The following RYR3 variants were observed in gnomAD, a reference collection of about 807,000 sequenced individuals.
RYR3 encodes the protein brain ryanodine receptor-calcium release channel.
Under a neutral mutation model 584.3 loss-of-function variants are expected in RYR3, and 207 were observed. The ratio of observed to expected loss-of-function variants is 0.35; its 90% CI spans 0.32 to 0.40. The LOEUF is 0.40. Among genes scored for constraint, RYR3 ranks in the 10% least tolerant of loss-of-function variants. The probability of loss-of-function intolerance (pLI) is 1.00; values close to 1 mark genes in which losing one functional copy is unlikely to be tolerated. For missense variants in RYR3, 5,616 were observed against 6,089.2 expected (o/e 0.92, Z 2.59); for synonymous variants, 2,416 against 2,248.5 (o/e 1.07, Z -2.11).
At chr15:33,512,738 C>T (rs1009958845) in intron 3 of RYR3, among the ~76,000 whole-genome samples, 3 of 152,178 alleles carry the variant, frequency 2.0e-5, no homozygotes, top group Non-Finnish European at 4.4e-5. Context: ...GCCTGAGCTG[C>T]TTCTCCATGG....
intron 1 of RYR3, among the ~76,000 whole-genome samples, chr15:33,369,295 T>C (rs906391803): frequency 2.0e-5 from 3 of 152,142 alleles, no homozygotes; most frequent in Non-Finnish European, 4.4e-5. Flanking sequence ...CCTCTCCCTA[T>C]AGCCTACCCA....
At chr15:33,804,909 A>C (rs554817933) in intron 69 of RYR3, among the ~76,000 whole-genome samples, 2 of 152,220 alleles carry the variant, frequency 1.3e-5, no homozygotes, top group African/African-American at 4.8e-5. Context: ...CCTATGCCAC[A>C]CACACCACAT....
intron 43 of RYR3, among the ~76,000 whole-genome samples, chr15:33,712,295 G>A (rs2067179985): frequency 1.3e-5 from 2 of 152,192 alleles, no homozygotes; most frequent in Admixed American, 6.5e-5. Flanking sequence ...TTCAACATGA[G>A]ATTTGGGCAG....
At chr15:33,563,145 G>A in intron 11 of RYR3, 135 bp downstream of exon 11, 1 of 710,360 alleles carries the variant, frequency 1.4e-6, no homozygotes, top group East Asian at 2.7e-5. Flanking sequence ...TTTTGTGATG[G>A]ATTGTACACA....
intron 43 of RYR3, among the ~76,000 whole-genome samples, chr15:33,718,121 G>A (rs1214401310): frequency 2.0e-5 from 3 of 152,200 alleles, no homozygotes; most frequent in Non-Finnish European, 4.4e-5. Flanking sequence ...ATGAGTGTCA[G>A]TACATTCATT....
chr15:33,424,209 C>T (rs2044439356), intron 1 of RYR3, among the ~76,000 whole-genome samples: 1 of 152,204 alleles, frequency 6.6e-6, no homozygotes, highest in African/African-American at 2.4e-5. Context: ...CATGACACTT[C>T]AGACAAGTCA....
chr15:33,613,456 C>T (rs761625346), intron 19 of RYR3, 81 bp downstream of exon 19: 3 of 1,380,404 alleles, frequency 2.2e-6, no homozygotes, highest in Non-Finnish European at 3.0e-6. Flanking sequence ...AGCCAGCAGT[C>T]TCCTTCAGGG....
chr15:33,629,374 G>A (rs191801416), intron 21 of RYR3, among the ~76,000 whole-genome samples: 2 of 152,218 alleles, frequency 1.3e-5, no homozygotes, highest in African/African-American at 2.4e-5. Flanking sequence ...GAAGATTAGT[G>A]TGGGGGAAAA....
Position 33,805,845 on chromosome 15 carries a change from C to G in RYR3, c.10012-1710C>G, listed in dbSNP as rs1004150584. Among the ~76,000 whole-genome samples the G allele has an allele frequency of 3.3e-5, 5 of 151,834 alleles. No homozygotes were observed. In the South Asian group the frequency reaches 8.3e-4, roughly 25 times the overall value. On this transcript the variant is annotated intron_variant, in intron 69 of 103. Transcript: ENST00000634891. The stretch of plus-strand genomic sequence containing the variant: ...TTACTCACAGGCATGTGTGCATACT[C>G]TGTCTCTCTCTCTCATAAATGTGCA...
chr15:33,773,708 A>G, intron 64 of RYR3, 93 bp downstream of exon 64: 2 of 850,950 alleles, frequency 2.4e-6, no homozygotes, highest in Non-Finnish European at 3.9e-6. Flanking sequence ...TCAATCCAGC[A>G]AGACCAAAAT....
chr15:33,359,913 G>A (rs949085005), intron 1 of RYR3, among the ~76,000 whole-genome samples: 2 of 151,984 alleles, frequency 1.3e-5, no homozygotes, highest in African/African-American at 4.8e-5. Context: ...GAGCCACCGG[G>A]CCCGGCCTCC....
chr15:33,634,611 G>T lies in RYR3; in HGVS notation c.3053G>T (p.Arg1018Leu). 6.2e-7 allele frequency: 1 copy of T among 1,613,892 alleles called. No individual in the cohort carries two copies. Among genetic ancestry groups the T allele is most frequent in the Non-Finnish European group, 8.5e-7 (1 of 1,179,852 alleles). The change falls in exon 25 of 104, where the codon CGT (arginine) becomes CTT (leucine). Residue 1018 changes from arginine to leucine, a missense_variant. Arg to Leu is a moderately radical substitution (Grantham distance 102, BLOSUM62 -2). This residue lies in a region of RYR3 where 1,284 missense variants were observed against 1,344.6 expected (regional missense o/e 0.95). Transcript: ENST00000634891. ...QQDLKNKRNP[R>L]LVPYALLDER... ...GATTTGAAGAACAAAAGAAATCCCCGTCTGGTGCCATATGCATTACTGGAT... is the reference window on the plus strand; with the variant it reads ...GATTTGAAGAACAAAAGAAATCCCCTTCTGGTGCCATATGCATTACTGGAT...
chr15:33,353,477 G>A (rs1973548687), intron 1 of RYR3, among the ~76,000 whole-genome samples: 1 of 152,144 alleles, frequency 6.6e-6, no homozygotes, highest in Non-Finnish European at 1.5e-5. Context: ...GCTTATTTGG[G>A]AGGTAAAGCT....
At chr15:33,473,315 C>T in intron 1 of RYR3, 104 bp from the exon 2 acceptor site, 1 of 1,304,736 alleles carries the variant, frequency 7.7e-7, no homozygotes, top group Non-Finnish European at 1.1e-6. Flanking sequence ...AAGCACGTGG[C>T]TGTCAGGGAT....
At chr15:33,382,940 T>TA (rs34888698) in intron 1 of RYR3, among the ~76,000 whole-genome samples, 1 of 150,566 alleles carries the variant, frequency 6.6e-6, no homozygotes, top group Non-Finnish European at 1.5e-5. Flanking sequence ...TTATCATGAC[T>TA]AAAAAAAAAA....
intron 18 of RYR3, among the ~76,000 whole-genome samples, chr15:33,605,168 A>G (rs1276993060): frequency 6.6e-6 from 1 of 152,226 alleles, no homozygotes; most frequent in Non-Finnish European, 1.5e-5. Flanking sequence ...CTGACTTTAC[A>G]GCACTGCATG....
intron 1 of RYR3, among the ~76,000 whole-genome samples, chr15:33,410,258 C>T (rs565457251): frequency 6.6e-6 from 1 of 152,256 alleles, no homozygotes; most frequent in East Asian, 1.9e-4. Flanking sequence ...CATTATTGCT[C>T]CTCATGTATT....
Position 33,748,166 on chromosome 15 carries a change from C to CTGTG in RYR3, c.8043_8046dup (p.Gly2683CysfsTer21). ...CGAGAGTCCCTGAAAACCATGCTGG[C>CTGTG]TGTGGGCTGGACTGTGGAGAGGACC... On this transcript the variant is annotated frameshift_variant, in exon 54 of 104. Coordinates refer to ENST00000634891, the MANE Select transcript of RYR3 (RefSeq NM_001036.6). LOFTEE classifies it high-confidence loss of function. The CTGTG allele has an allele frequency of 6.2e-7, 1 of 1,613,808 alleles. No individual in the cohort carries two copies. Among genetic ancestry groups the CTGTG allele is most frequent in the Non-Finnish European group, 8.5e-7 (1 of 1,179,740 alleles).
At chr15:33,336,479 AG>A (rs1567047056) in intron 1 of RYR3, among the ~76,000 whole-genome samples, 4 of 43,102 alleles carry the variant, frequency 9.3e-5, no homozygotes, top group Admixed American at 2.0e-4. Flanking sequence ...AGAGAGAGAG[AG>A]AGAGAGAAAG....
Sources: allele counts gnomAD v4.1 joint callset (sites outside exome capture counted in the v4.1 genomes callset), GRCh38; gene constraint gnomAD v4.1.1; regional missense constraint gnomAD v4.1.1; transcripts MANE v1.5; gene names NCBI Gene and HGNC (gene_info 2026-07-23, HGNC 2026-07-21).